The following DLG3 variants were observed in gnomAD, a reference collection of about 807,000 sequenced individuals.
DLG3 encodes discs large MAGUK scaffold protein 3, also known as disks large homolog 3.
DLG3 carries 1 observed loss-of-function variant against 64.1 expected under a neutral mutation model. The observed-to-expected ratio is 0.02, with a 90% CI of 0.01 to 0.07. The LOEUF is 0.07. Ranked by LOEUF, DLG3 falls within the 10% of genes least tolerant of loss-of-function variation. The pLI, the probability that DLG3 is intolerant of heterozygous loss-of-function variation, is 1.00. For synonymous variants in DLG3, 245 were observed against 259.8 expected (o/e 0.94, Z 0.55); for missense variants, 429 against 669.5 (o/e 0.64, Z 3.96).
At chrX:70,463,004 G>A (rs1280578901) in intron 9 of DLG3, among the ~76,000 whole-genome samples, 1 of 111,802 alleles carries the variant, frequency 8.9e-6, no homozygotes, top group East Asian at 2.8e-4. Flanking sequence ...TCTGAATTTA[G>A]CTGGTCAGGT....
chrX:70,501,413 C>G (rs34089552), intron 18 of DLG3, among the ~76,000 whole-genome samples: 24,143 of 93,491 alleles, frequency 0.26, 3,352 homozygotes, highest in African/African-American at 0.41. Context: ...GTCTGTCTGT[C>G]TGTGTGTGTG....
chrX:70,450,938 G>A (rs1369458381), intron 6 of DLG3, 155 bp downstream of exon 6: 1 of 727,852 alleles, frequency 1.4e-6, no homozygotes, highest in African/African-American at 2.1e-5. Flanking sequence ...CGCCATTATT[G>A]CTAATTGAAA....
intron 9 of DLG3, among the ~76,000 whole-genome samples, chrX:70,457,342 T>C (rs916679638): frequency 9.0e-6 from 1 of 111,344 alleles, no homozygotes; most frequent in Admixed American, 9.5e-5. Flanking sequence ...AAGGTTAGAG[T>C]GATCTCCATG....
At chrX:70,466,163 G>A (rs5980941) in intron 9 of DLG3, among the ~76,000 whole-genome samples, 15,578 of 109,486 alleles carry the variant, frequency 0.14, 1,136 homozygotes, top group Non-Finnish European at 0.2. Flanking sequence ...GGTTAAAAAT[G>A]TTATTCTTTA....
intron 9 of DLG3, among the ~76,000 whole-genome samples, chrX:70,465,211 T>C (rs777300828): frequency 9.8e-5 from 11 of 112,085 alleles, no homozygotes; most frequent in African/African-American, 3.6e-4. Context: ...CAAATTTTCT[T>C]GATGGACAGG....
At chrX:70,456,438 G>A (rs1039211595) in intron 9 of DLG3, among the ~76,000 whole-genome samples, 19 of 112,143 alleles carry the variant, frequency 1.7e-4, no homozygotes, top group Non-Finnish European at 3.4e-4. Flanking sequence ...GTGTGTGGTG[G>A]GGGTATGCTG....
At position 70,482,660 on chromosome X, in the gene DLG3, G is replaced by GTT. The variant is rs200729766; in HGVS notation, c.1520+3397_1520+3398insTT. Among the ~76,000 whole-genome samples the GTT allele has an allele frequency of 4.5e-4, 31 of 69,245 alleles. 2 individuals carry two copies. The highest frequency in any genetic ancestry group is 9.9e-4 in the African/African-American group (16 of 16,136). 60.1% of individuals were successfully genotyped at this position (69,245 alleles called of 115,157 possible). On this transcript the variant is annotated intron_variant, in intron 10 of 18. Coordinates refer to ENST00000374360, the MANE Select transcript of DLG3 (RefSeq NM_021120.4). ...TCAGGTTTGGGAAAATACATGTGTG[G>GTT]TGTTTTTTTTTTTTTTTTTTTTTTT...
Position 70,445,474 on chromosome X carries a change from G to A in DLG3, c.273G>A (p.Pro91=), listed in dbSNP as rs781479423. 17 of 1,202,429 alleles carry A rather than the reference G, an allele frequency of 1.4e-5. No homozygotes were observed. Among genetic ancestry groups the A allele is most frequent in the Admixed American group, 2.2e-5 (1 of 45,341 alleles). Residue 91 remains proline (P), a synonymous_variant, in exon 1 of 19, where the codon CCG becomes CCA. Transcript: ENST00000374360. The part of the protein sequence containing the change: ...DVGPVPPKPV[P]GKSTPKLNGS... ...GGCCGGTGCCTCCTAAGCCAGTCCC[G>A]GGCAAGAGCACCCCCAAACTCAACG...
Position 70,498,555 on chromosome X carries a change from G to A in DLG3, c.1855G>A (p.Val619Met). Residue 619 changes from valine to methionine, a missense_variant, in exon 14 of 19, where the codon GTG (valine) becomes ATG (methionine). Val to Met is a conservative substitution (Grantham distance 21). This residue lies in a region of DLG3 where 46 missense variants were observed against 64.4 expected (regional missense o/e 0.71). Transcript: ENST00000374360. ...QEDAILSYEP[V>M]TRQEIHYARP... Reference sequence around the variant, plus strand: ...GGATGCTATTTTGTCATATGAGCCAGTGACACGGCAAGAAAGTAAGCCTCC... The same window carrying A: ...GGATGCTATTTTGTCATATGAGCCAATGACACGGCAAGAAAGTAAGCCTCC... 1 of 1,208,560 alleles carries A rather than the reference G, an allele frequency of 8.3e-7. No individual in the cohort carries two copies. Among genetic ancestry groups the A allele is most frequent in the Non-Finnish European group, 1.1e-6 (1 of 893,672 alleles).
At chrX:70,497,287 G>C (rs1192178921) in intron 13 of DLG3, 3 of 1,050,830 alleles carry the variant, frequency 2.9e-6, no homozygotes, top group African/African-American at 3.7e-5. Flanking sequence ...CCTCATTCCA[G>C]TGTTGCACAG....
chrX:70,485,603 C>G (rs1477077550), intron 10 of DLG3, among the ~76,000 whole-genome samples: 2 of 111,831 alleles, frequency 1.8e-5, no homozygotes, highest in South Asian at 3.8e-4. Flanking sequence ...GGCTATAGCG[C>G]TAAAATGCTC....
chrX:70,469,184 T>C (rs941623651), intron 9 of DLG3, among the ~76,000 whole-genome samples: 2 of 110,281 alleles, frequency 1.8e-5, no homozygotes, highest in African/African-American at 6.6e-5. Context: ...CTAATTCTCT[T>C]ATTTTTTTTG....
At chrX:70,496,185 GT>G (rs1373330027) in intron 13 of DLG3, among the ~76,000 whole-genome samples, 3 of 112,426 alleles carry the variant, frequency 2.7e-5, no homozygotes, top group Non-Finnish European at 5.6e-5. Flanking sequence ...CACCAAATGG[GT>G]TCTATCAGCA....
intron 9 of DLG3, among the ~76,000 whole-genome samples, chrX:70,457,551 C>T (rs1227290184): frequency 9.1e-6 from 1 of 110,426 alleles, no homozygotes; most frequent in African/African-American, 3.3e-5. Context: ...GTTGTGCCTC[C>T]ATCACCACAG....
At chrX:70,491,778 A>G (rs908892543) in intron 10 of DLG3, among the ~76,000 whole-genome samples, 3 of 112,312 alleles carry the variant, frequency 2.7e-5, no homozygotes, top group African/African-American at 9.7e-5. Context: ...TGCTAGAGCT[A>G]GTTTCCTAGG....
intron 10 of DLG3, among the ~76,000 whole-genome samples, chrX:70,480,717 C>T (rs775014375): frequency 2.7e-5 from 3 of 112,406 alleles, no homozygotes; most frequent in African/African-American, 9.7e-5. Flanking sequence ...AGGATTGTTC[C>T]GTTCCGTGCT....
At chrX:70,501,409 C>CTCTGTGTGTGTG (rs2087557824) in intron 18 of DLG3, among the ~76,000 whole-genome samples, 1 of 75,163 alleles carries the variant, frequency 1.3e-5, no homozygotes, top group Admixed American at 1.4e-4. Flanking sequence ...GTCTGTCTGT[C>CTCTGTGTGTGTG]TGTCTGTGTG....
chrX:70,469,446 CTT>C (rs869146273), intron 9 of DLG3, among the ~76,000 whole-genome samples: 3 of 99,180 alleles, frequency 3.0e-5, no homozygotes, highest in Non-Finnish European at 2.1e-5. Context: ...CCATTTCTTT[CTT>C]TTTTTTTTTT....
intron 9 of DLG3, among the ~76,000 whole-genome samples, chrX:70,462,043 C>G (rs2086810259): frequency 1.1e-5 from 1 of 90,510 alleles, no homozygotes; most frequent in Non-Finnish European, 2.2e-5. Context: ...CTCCTCATCC[C>G]CCCCCCACCG....
Sources: allele counts gnomAD v4.1 joint callset (sites outside exome capture counted in the v4.1 genomes callset), GRCh38; gene constraint gnomAD v4.1.1; regional missense constraint gnomAD v4.1.1; transcripts MANE v1.5; gene names NCBI Gene and HGNC (gene_info 2026-07-23, HGNC 2026-07-21).